KHDRBS2: variants seen among roughly 807,000 people sequenced by gnomAD.
KHDRBS2 encodes the protein KH RNA binding domain containing, signal transduction associated 2, also known as KH domain-containing, RNA-binding, signal transduction-associated protein 2.
KHDRBS2 carries 26 observed loss-of-function variants against 44.3 expected under a neutral mutation model. The observed-to-expected ratio is 0.59, with a 90% confidence interval of 0.43 to 0.81. KHDRBS2 has a LOEUF of 0.81. KHDRBS2 is among the 40% of genes least tolerant of loss of function. The pLI is 0.00. For synonymous variants in KHDRBS2, 194 were observed against 151.1 expected, an observed-to-expected ratio of 1.28 and a Z score of -2.08; for missense variants, 476 against 433.1, an observed-to-expected ratio of 1.10 and a Z score of -0.88.
chr6:61,732,005 A>G (rs1168486433), intron 7 of KHDRBS2, among the ~76,000 whole-genome samples: 1 of 152,120 alleles, frequency 6.6e-6, no homozygotes, highest in Non-Finnish European at 1.5e-5. Flanking sequence ...ACAAAGGGCC[A>G]TGAAGAAGCA....
intron 4 of KHDRBS2, among the ~76,000 whole-genome samples, chr6:61,957,428 C>T (rs1161034315): frequency 6.6e-6 from 1 of 152,140 alleles, no homozygotes; most frequent in Non-Finnish European, 1.5e-5. Flanking sequence ...AGAAATATTG[C>T]TGAATTCTTT....
At chr6:61,728,688 G>C (rs1379878787) in intron 7 of KHDRBS2, among the ~76,000 whole-genome samples, 1 of 152,076 alleles carries the variant, frequency 6.6e-6, no homozygotes, top group Non-Finnish European at 1.5e-5. Flanking sequence ...ACAGTTTGCA[G>C]TATATGATTT....
chr6:61,620,971 A>G, the KHDRBS2 span, among the ~76,000 whole-genome samples: 6 of 152,120 alleles, frequency 3.9e-5, no homozygotes, highest in Non-Finnish European at 8.8e-5. Context: ...TTTATCCCTA[A>G]TATGTATCTC....
At chr6:62,000,689 C>T (rs115080555) in intron 3 of KHDRBS2, among the ~76,000 whole-genome samples, 1 of 152,076 alleles carries the variant, frequency 6.6e-6, no homozygotes. Context: ...GAAAGTGGCA[C>T]TTGGCAAGAT....
At position 62,253,514 on chromosome 6, in the gene KHDRBS2, G is replaced by T. The variant is rs549603; in HGVS notation, c.91+32344C>A. 1.6e-3 allele frequency among the ~76,000 whole-genome samples: 236 copies of T among 151,506 alleles called. 1 individual carries two copies. In the South Asian group the frequency reaches 0.026, roughly 16 times the overall value. ...CTCCTCCTCTTTGGCCTTTTCTTCC[G>T]TCCCTCTATCTTAGCTAAAATGCAA... On this transcript the variant is annotated intron_variant, in intron 1 of 8. Coordinates refer to ENST00000281156, the MANE Select transcript of KHDRBS2 (RefSeq NM_152688.4).
At chr6:61,995,801 T>C (rs974962627) in intron 3 of KHDRBS2, among the ~76,000 whole-genome samples, 1 of 152,242 alleles carries the variant, frequency 6.6e-6, no homozygotes, top group Non-Finnish European at 1.5e-5. Flanking sequence ...AAAATGTATC[T>C]GTCCACTTTT....
the KHDRBS2 span, among the ~76,000 whole-genome samples, chr6:61,655,210 A>AAAT: frequency 7.2e-6 from 1 of 139,198 alleles, no homozygotes; most frequent in East Asian, 2.1e-4. Flanking sequence ...TAGAACGTTT[A>AAAT]AATACATACA....
At position 61,902,397 on chromosome 6, in the gene KHDRBS2, A is replaced by G. The variant is rs565033832; in HGVS notation, c.484-1026T>C. On this transcript the variant is annotated intron_variant, in intron 4 of 8. Transcript: ENST00000281156. ...GGGACTTTTCCTTTATCAGGGTGGA[A>G]ATACACCAGCCAATTCAAGAGGACC... Among the ~76,000 whole-genome samples the G allele has an allele frequency of 1.5e-4, 23 of 152,168 alleles. No homozygotes were observed. In the East Asian group the frequency reaches 2.9e-3, roughly 19 times the overall value.
chr6:61,840,667 G>A (rs574547556), intron 6 of KHDRBS2, among the ~76,000 whole-genome samples: 8 of 152,228 alleles, frequency 5.3e-5, no homozygotes, highest in African/African-American at 1.7e-4. Context: ...ATGTGTGATG[G>A]CACATGCTAA....
intron 4 of KHDRBS2, among the ~76,000 whole-genome samples, chr6:61,968,311 A>G (rs1310741597): frequency 6.6e-6 from 1 of 151,946 alleles, no homozygotes; most frequent in Non-Finnish European, 1.5e-5. Flanking sequence ...AATGTTTGGC[A>G]ATGCATAATT....
At chr6:62,224,716 T>G (rs969479238) in intron 1 of KHDRBS2, among the ~76,000 whole-genome samples, 3 of 152,168 alleles carry the variant, frequency 2.0e-5, no homozygotes, top group African/African-American at 7.2e-5. Context: ...GAGCACAGTG[T>G]TTAAGAGTGG....
At chr6:61,848,483 A>ATATG (rs1304524994) in intron 6 of KHDRBS2, among the ~76,000 whole-genome samples, 2 of 49,626 alleles carry the variant, frequency 4.0e-5, no homozygotes, top group African/African-American at 2.9e-4. Flanking sequence ...ATATATATAT[A>ATATG]TATATATGTA....
intron 6 of KHDRBS2, among the ~76,000 whole-genome samples, chr6:61,754,171 G>C (rs1208832341): frequency 6.6e-6 from 1 of 152,160 alleles, no homozygotes. Context: ...AACTAATACA[G>C]ATTTGGATGA....
At chr6:61,697,076 G>C (rs1767986402) in intron 8 of KHDRBS2, 119 bp downstream of exon 8, 1 of 739,146 alleles carries the variant, frequency 1.4e-6, no homozygotes, top group Non-Finnish European at 2.4e-6. Flanking sequence ...GGAATTACAT[G>C]AATCAATTTA....
rs780043623 is a variant in KHDRBS2, at chr6:61,978,159, C to G, written c.390G>C (p.Glu130Asp). The change falls in exon 4 of 9, where the codon GAG (glutamate) becomes GAC (aspartate). Residue 130 changes from glutamate to aspartate, a missense_variant. Transcript: ENST00000281156. ...GEAKYAHLSD[E>D]LHVLIEVFAP... ...CAAACACTTCAATTAATACATGAAG[C>G]TCATCACTCAAGTGGGCATATTTGG... The G allele has an allele frequency of 3.7e-6, 6 of 1,611,596 alleles. No homozygotes were observed. The highest frequency in any genetic ancestry group is 5.1e-6 in the Non-Finnish European group (6 of 1,178,168).
chr6:61,623,181 C>A, the KHDRBS2 span, among the ~76,000 whole-genome samples: 3 of 152,154 alleles, frequency 2.0e-5, no homozygotes, highest in Non-Finnish European at 4.4e-5. Flanking sequence ...AAGTCATGAT[C>A]CCTTGCTCAG....
At chr6:61,955,829 A>T (rs1392036864) in intron 4 of KHDRBS2, among the ~76,000 whole-genome samples, 1 of 152,090 alleles carries the variant, frequency 6.6e-6, no homozygotes, top group Non-Finnish European at 1.5e-5. Flanking sequence ...GCTCAGAAAG[A>T]TCCTATGAGG....
chr6:61,960,976 A>G (rs1371892299), intron 4 of KHDRBS2, among the ~76,000 whole-genome samples: 1 of 152,104 alleles, frequency 6.6e-6, no homozygotes, highest in Non-Finnish European at 1.5e-5. Flanking sequence ...AATTTATAAT[A>G]CAATTGAAGT....
At chr6:62,215,032 G>A (rs905532005) in intron 1 of KHDRBS2, among the ~76,000 whole-genome samples, 1 of 151,728 alleles carries the variant, frequency 6.6e-6, no homozygotes, top group African/African-American at 2.4e-5. Flanking sequence ...CAGTTTTGTT[G>A]AATTTTCCAT....
Sources: allele counts gnomAD v4.1 joint callset (sites outside exome capture counted in the v4.1 genomes callset), GRCh38; gene constraint gnomAD v4.1.1; transcripts MANE v1.5; gene names NCBI Gene and HGNC (gene_info 2026-07-23, HGNC 2026-07-21).